The following SLC41A2 variants were observed in gnomAD, a reference collection of about 807,000 sequenced individuals.
The protein encoded by SLC41A2 is solute carrier family 41 member 2, also known as SLC41A1-like 1.
Under a neutral mutation model 58.3 loss-of-function variants are expected in SLC41A2, and 32 were observed. That is an observed-to-expected ratio of 0.55 (90% CI 0.41 to 0.74). The LOEUF (loss-of-function observed/expected upper bound fraction) is 0.74. Ranked by LOEUF, SLC41A2 falls within the 30% of genes least tolerant of loss-of-function variation. The probability of loss-of-function intolerance (pLI) is 0.00; values close to 1 mark genes in which losing one functional copy is unlikely to be tolerated. For synonymous variants in SLC41A2, 190 were observed against 235.0 expected (o/e 0.81, Z 1.75); for missense variants, 514 against 680.6 (o/e 0.76, Z 2.72).
At chr12:104,894,744 A>G (rs2045197646) in intron 4 of SLC41A2, among the ~76,000 whole-genome samples, 1 of 152,168 alleles carries the variant, frequency 6.6e-6, no homozygotes, top group Non-Finnish European at 1.5e-5. Flanking sequence ...AGAAAAAGAG[A>G]AACTCATCTA....
chr12:104,876,722 C>T (rs1319401188), intron 6 of SLC41A2, among the ~76,000 whole-genome samples: 1 of 152,118 alleles, frequency 6.6e-6, no homozygotes, highest in Non-Finnish European at 1.5e-5. Flanking sequence ...GGATAATGTT[C>T]CACGTGCACT....
chr12:104,881,989 C>G (rs2044394637), intron 6 of SLC41A2, among the ~76,000 whole-genome samples: 1 of 152,166 alleles, frequency 6.6e-6, no homozygotes, highest in Non-Finnish European at 1.5e-5. Context: ...CTTTATGAAT[C>G]TGGGTGCTCC....
In SLC41A2 at chr12:104,928,529, T is replaced by G; in HGVS notation, c.-2A>C. On this transcript the variant is annotated 5_prime_UTR_variant, in exon 2 of 11. Transcript: ENST00000258538. ...AGATCTTCCTTTACTATTAGTCATA[T>G]TGTCATCACAAAAGACCCTGTACTC... 1 of 1,483,424 alleles carries G rather than the reference T, an allele frequency of 6.7e-7. No individual in the cohort carries two copies. The highest frequency in any genetic ancestry group is 1.4e-5 in the African/African-American group (1 of 70,784). The allele number at this position is 1,483,424 out of a possible 1,614,324, so 91.9% of individuals were successfully genotyped here. A position where few individuals can be genotyped will look rare whatever the true frequency, so the allele number is the denominator to read the frequency against.
At chr12:104,851,054 G>A (rs2042780281) in intron 8 of SLC41A2, among the ~76,000 whole-genome samples, 1 of 152,076 alleles carries the variant, frequency 6.6e-6, no homozygotes. Context: ...TTTCTAATCT[G>A]AAAATAAGGA....
chr12:104,827,487 T>A (rs1198699732), intron 10 of SLC41A2, among the ~76,000 whole-genome samples: 1 of 152,200 alleles, frequency 6.6e-6, no homozygotes, highest in Admixed American at 6.5e-5. Flanking sequence ...GTTTATCCGC[T>A]CCCATATAAG....
intron 8 of SLC41A2, among the ~76,000 whole-genome samples, chr12:104,849,214 C>A (rs1017409246): frequency 2.6e-5 from 4 of 152,090 alleles, no homozygotes; most frequent in Non-Finnish European, 4.4e-5. Context: ...GTAATTAAAA[C>A]CTTCTGTTCA....
intron 2 of SLC41A2, among the ~76,000 whole-genome samples, chr12:104,920,244 C>T (rs1440624250): frequency 6.6e-6 from 1 of 152,018 alleles, no homozygotes; most frequent in African/African-American, 2.4e-5. Flanking sequence ...TGAAATTTTT[C>T]CTGTCTCAAA....
intron 1 of SLC41A2, among the ~76,000 whole-genome samples, chr12:104,938,390 C>G (rs951527899): frequency 5.3e-5 from 8 of 152,156 alleles, no homozygotes; most frequent in African/African-American, 1.9e-4. Context: ...TTATTGGTCC[C>G]CTCCTACAGG....
At chr12:104,947,194 CCTTTT>C (rs2047754023) in intron 1 of SLC41A2, among the ~76,000 whole-genome samples, 1 of 53,688 alleles carries the variant, frequency 1.9e-5, no homozygotes, top group Non-Finnish European at 3.6e-5. Flanking sequence ...TTATTTTTGT[CCTTTT>C]TTTTTTTTTT....
chr12:104,806,703 T>C (rs1013736335), intron 10 of SLC41A2, among the ~76,000 whole-genome samples: 10 of 152,108 alleles, frequency 6.6e-5, no homozygotes, highest in Non-Finnish European at 1.5e-4. Context: ...TGTTCCTATT[T>C]CTCCACATCC....
intron 2 of SLC41A2, among the ~76,000 whole-genome samples, chr12:104,918,345 T>G (rs1327899848): frequency 1.3e-5 from 2 of 152,064 alleles, no homozygotes; most frequent in African/African-American, 2.4e-5. Context: ...ATATAATGAC[T>G]CTTCTTCATC....
chr12:104,936,838 T>C (rs2047301708), intron 1 of SLC41A2, among the ~76,000 whole-genome samples: 1 of 152,194 alleles, frequency 6.6e-6, no homozygotes, highest in South Asian at 2.1e-4. Flanking sequence ...AAAAAGTATA[T>C]AGAATAAGGA....
chr12:104,952,731 T>G (rs2048001389), intron 1 of SLC41A2, among the ~76,000 whole-genome samples: 1 of 152,214 alleles, frequency 6.6e-6, no homozygotes. Flanking sequence ...CTCACTAATT[T>G]GCTTTCACAA....
chr12:104,936,660 T>A (rs1176230285), intron 1 of SLC41A2, among the ~76,000 whole-genome samples: 1 of 152,184 alleles, frequency 6.6e-6, no homozygotes, highest in African/African-American at 2.4e-5. Flanking sequence ...AAGAAACACC[T>A]GCCCCCGTAA....
At chr12:104,887,241 T>C (rs1173421249) in intron 5 of SLC41A2, among the ~76,000 whole-genome samples, 1 of 151,968 alleles carries the variant, frequency 6.6e-6, no homozygotes, top group Non-Finnish European at 1.5e-5. Context: ...AGCCTAAATA[T>C]GGCTATGGAG....
chr12:104,869,376 A>T (rs2043642676), intron 6 of SLC41A2, among the ~76,000 whole-genome samples: 1 of 152,218 alleles, frequency 6.6e-6, no homozygotes, highest in African/African-American at 2.4e-5. Context: ...CATTAAAGAC[A>T]AAGGATATAC....
intron 8 of SLC41A2, among the ~76,000 whole-genome samples, chr12:104,860,313 T>C (rs943948429): frequency 4.0e-5 from 6 of 150,288 alleles, no homozygotes; most frequent in Admixed American, 1.3e-4. Context: ...GATGGGTTGA[T>C]AGGTGCAGCA....
chr12:104,832,721 T>G (rs977631500), intron 10 of SLC41A2, among the ~76,000 whole-genome samples: 1 of 151,882 alleles, frequency 6.6e-6, no homozygotes, highest in African/African-American at 2.4e-5. Context: ...ACAGATGAAA[T>G]GAAGCAACTT....
At chr12:104,875,747 C>T (rs1293520992) in intron 6 of SLC41A2, among the ~76,000 whole-genome samples, 2 of 152,282 alleles carry the variant, frequency 1.3e-5, no homozygotes, top group African/African-American at 4.8e-5. Flanking sequence ...GAGCTATAAT[C>T]ATGCCACTGC....
Sources: gnomAD v4.1 joint callset for allele counts (sites outside exome capture counted in the v4.1 genomes callset) on GRCh38, gnomAD v4.1.1 for gene constraint, MANE v1.5 for transcripts, NCBI Gene and HGNC (gene_info 2026-07-23, HGNC 2026-07-21) for gene names.